Variants in NT5C2 observed in about 807,000 individuals in gnomAD.
NT5C2 encodes 5'-nucleotidase, cytosolic II, also known as cytosolic purine 5'-nucleotidase.
NT5C2 carries 58 observed loss-of-function variants against 76.1 expected under a neutral mutation model. That is an observed-to-expected ratio of 0.76 (90% CI 0.62 to 0.95). The LOEUF (loss-of-function observed/expected upper bound fraction) is 0.95, where lower values mean the gene tolerates loss of function less well. Ranked by LOEUF, NT5C2 falls within the 40% of genes least tolerant of loss-of-function variation. The probability of loss-of-function intolerance (pLI) is 0.00; values close to 1 mark genes in which losing one functional copy is unlikely to be tolerated. For missense variants in NT5C2, 478 were observed against 690.3 expected, an observed-to-expected ratio of 0.69 and a Z score of 3.45; for synonymous variants, 229 against 237.4, an observed-to-expected ratio of 0.96 and a Z score of 0.32.
intron 4 of NT5C2, among the ~76,000 whole-genome samples, chr10:103,137,699 C>T (rs1183012735): frequency 1.3e-5 from 2 of 152,192 alleles, no homozygotes; most frequent in African/African-American, 4.8e-5. Flanking sequence ...GTTTCACATA[C>T]ACGTGCAAGC....
chr10:103,170,514 CACACATGCACACTT>C (rs1249316592), intron 3 of NT5C2, among the ~76,000 whole-genome samples: 4 of 148,492 alleles, frequency 2.7e-5, no homozygotes, highest in Middle Eastern at 3.2e-3. Flanking sequence ...CACAAGCACA[CACACATGCACACTT>C]TTTTTTTTTT....
intron 16 of NT5C2, among the ~76,000 whole-genome samples, chr10:103,091,349 C>CTT (rs749980496): frequency 2.1e-4 from 30 of 145,494 alleles, no homozygotes; most frequent in Admixed American, 3.4e-4. Flanking sequence ...CTGGAAAGAA[C>CTT]TTTTTTTTTT....
intron 3 of NT5C2, among the ~76,000 whole-genome samples, chr10:103,156,502 C>T (rs753643510): frequency 1.3e-5 from 2 of 152,234 alleles, no homozygotes; most frequent in Non-Finnish European, 2.9e-5. Context: ...TGCCTGTAAT[C>T]CCAGCACTTT....
At chr10:103,139,599 T>A in intron 3 of NT5C2, 120 bp from the exon 4 acceptor site, 1 of 704,128 alleles carries the variant, frequency 1.4e-6, no homozygotes, top group Non-Finnish European at 2.3e-6. Context: ...TTTTTTAAAC[T>A]TTTAAAATTA....
intron 1 of NT5C2, among the ~76,000 whole-genome samples, chr10:103,184,529 G>C (rs974871064): frequency 5.3e-5 from 8 of 152,132 alleles, no homozygotes; most frequent in African/African-American, 1.9e-4. Flanking sequence ...GCTCCATAAG[G>C]GAGAGGAGTG....
chr10:103,174,997 C>A lies in NT5C2; in HGVS notation c.-24-15G>T. The stretch of plus-strand genomic sequence containing the variant: ...TATTTTGTATTCTAGAAAAGAAAAT[C>A]ATTAATTTAGTAACTTAATATTGGC... On this transcript the variant is annotated splice_polypyrimidine_tract_variant and intron_variant, in intron 2 of 18. Coordinates refer to ENST00000404739, the MANE Select transcript of NT5C2 (RefSeq NM_001351169.2). The A allele has an allele frequency of 7.1e-7, 1 of 1,400,320 alleles. No homozygotes were observed. Among genetic ancestry groups the A allele is most frequent in the South Asian group, 1.2e-5 (1 of 86,518 alleles). 86.7% of individuals were successfully genotyped at this position (1,400,320 alleles called of 1,614,324 possible). A position where few individuals can be genotyped will look rare whatever the true frequency, so the allele number is the denominator to read the frequency against.
intron 4 of NT5C2, among the ~76,000 whole-genome samples, chr10:103,108,843 CT>C (rs925021409): frequency 6.0e-5 from 9 of 149,902 alleles, no homozygotes; most frequent in South Asian, 4.3e-4. Flanking sequence ...CCCTGGCTAA[CT>C]TTTTTTTTTC....
chr10:103,098,256 G>T (rs980503429), intron 10 of NT5C2: 17 of 297,762 alleles, frequency 5.7e-5, no homozygotes, highest in African/African-American at 9.3e-5. Context: ...GTATAATTAT[G>T]AAAAGTATGA....
At chr10:103,107,847 A>C (rs2135326598) in intron 4 of NT5C2, among the ~76,000 whole-genome samples, 2 of 152,022 alleles carry the variant, frequency 1.3e-5, no homozygotes, top group Middle Eastern at 3.4e-3. Flanking sequence ...TTTACTACTG[A>C]AATTCAAGCA....
chr10:103,092,890 C>T (rs537941010), intron 15 of NT5C2, among the ~76,000 whole-genome samples: 87 of 140,414 alleles, frequency 6.2e-4, no homozygotes, highest in Admixed American at 2.2e-3. Flanking sequence ...CAACTCAAGA[C>T]GCCAACATTC....
chr10:103,182,852 C>G (rs192154591), intron 1 of NT5C2, among the ~76,000 whole-genome samples: 2 of 152,254 alleles, frequency 1.3e-5, no homozygotes, highest in African/African-American at 4.8e-5. Context: ...AAAGTTAAAG[C>G]TATATCCTCC....
intron 3 of NT5C2, chr10:103,153,389 T>C (rs2082738814): frequency 8.4e-7 from 1 of 1,189,412 alleles, no homozygotes; most frequent in African/African-American, 1.6e-5. Context: ...GCTCATTTGT[T>C]AAAGCACAGA....
At chr10:103,120,098 CAA>C (rs529049131) in intron 4 of NT5C2, among the ~76,000 whole-genome samples, 6 of 130,852 alleles carry the variant, frequency 4.6e-5, no homozygotes, top group African/African-American at 8.7e-5. Flanking sequence ...GACCCTGTTT[CAA>C]AAAAAAAAAA....
Position 103,092,342 on chromosome 10 carries a change from G to T in NT5C2, c.1160-727C>A, listed in dbSNP as rs577237437. ...TCTGTGTTTCGGATATGGAGCCTTG[G>T]TTGAGAAAGGCTGTCATGTCTATCT... On this transcript the variant is annotated intron_variant, in intron 15 of 18. Coordinates refer to ENST00000404739, the MANE Select transcript of NT5C2 (RefSeq NM_001351169.2). Among the ~76,000 whole-genome samples the T allele has an allele frequency of 2.8e-5, 4 of 143,550 alleles. No individual in the cohort carries two copies. In the South Asian group the frequency reaches 9.3e-4, roughly 33 times the overall value. The allele number at this position is 143,550 out of a possible 152,430, so 94.2% of individuals were successfully genotyped here.
At chr10:103,189,521 G>A (rs911547554) in intron 1 of NT5C2, among the ~76,000 whole-genome samples, 2 of 149,482 alleles carry the variant, frequency 1.3e-5, no homozygotes, top group East Asian at 2.0e-4. Context: ...CAGGAGAATC[G>A]CTTGAACCCA....
intron 4 of NT5C2, among the ~76,000 whole-genome samples, chr10:103,133,515 C>G (rs908846643): frequency 6.6e-6 from 1 of 152,162 alleles, no homozygotes; most frequent in African/African-American, 2.4e-5. Context: ...CCCACTTCAA[C>G]CTCTCAAAGT....
intron 3 of NT5C2, among the ~76,000 whole-genome samples, chr10:103,172,693 G>A (rs1019412210): frequency 2.6e-5 from 4 of 152,062 alleles, no homozygotes; most frequent in Non-Finnish European, 5.9e-5. Context: ...AAAATTAGCT[G>A]GGCATGGTGG....
intron 4 of NT5C2, among the ~76,000 whole-genome samples, chr10:103,120,933 T>C (rs1276675029): frequency 6.6e-6 from 1 of 152,174 alleles, no homozygotes; most frequent in Non-Finnish European, 1.5e-5. Context: ...AACAAATGTA[T>C]ATACCTACAG....
intron 4 of NT5C2, among the ~76,000 whole-genome samples, chr10:103,121,622 G>A (rs1026717155): frequency 4.6e-5 from 7 of 152,176 alleles, no homozygotes; most frequent in African/African-American, 1.7e-4. Context: ...CTAGTAGCAA[G>A]ATAATGCTCT....
Sources: allele counts gnomAD v4.1 joint callset (sites outside exome capture counted in the v4.1 genomes callset), GRCh38; gene constraint gnomAD v4.1.1; transcripts MANE v1.5; gene names NCBI Gene and HGNC (gene_info 2026-07-23, HGNC 2026-07-21).